Variants in JAK1 observed in about 807,000 individuals in gnomAD.
The protein encoded by JAK1 is Janus kinase 1.
JAK1 carries 16 observed loss-of-function variants against 136.6 expected under a neutral mutation model. The observed-to-expected ratio is 0.12, with a 90% confidence interval of 0.08 to 0.18. The LOEUF is 0.18. Among genes scored for constraint, JAK1 ranks in the 10% least tolerant of loss-of-function variants. JAK1 has a pLI of 1.00. For synonymous variants in JAK1, 492 were observed against 519.5 expected (o/e 0.95, Z 0.72); for missense variants, 859 against 1,450.1 (o/e 0.59, Z 6.62).
chr1:64,996,912 G>C (rs900057423), intron 2 of JAK1, among the ~76,000 whole-genome samples: 3 of 152,194 alleles, frequency 2.0e-5, no homozygotes, highest in Non-Finnish European at 4.4e-5. Context: ...ACAGAAAGGA[G>C]CAAGGAAACT....
upstream of JAK1, among the ~76,000 whole-genome samples, chr1:64,968,461 A>G (rs1326638762): frequency 6.6e-6 from 1 of 152,218 alleles, no homozygotes; most frequent in South Asian, 2.1e-4. Context: ...GACAGGAGGC[A>G]GGAGTCAGGA....
intron 1 of JAK1, among the ~76,000 whole-genome samples, chr1:65,054,376 C>T (rs891756673): frequency 3.3e-5 from 5 of 152,016 alleles, no homozygotes; most frequent in African/African-American, 1.2e-4. Flanking sequence ...TAACATGCCA[C>T]ATTTAAATGC....
At chr1:64,988,938 A>ATATGTATGTGTATATATATG (rs1385022199) in intron 2 of JAK1, among the ~76,000 whole-genome samples, 1 of 144,840 alleles carries the variant, frequency 6.9e-6, no homozygotes, top group South Asian at 2.2e-4. Context: ...GTGTATATAT[A>ATATGTATGTGTATATATATG]TATGTATGTG....
At chr1:64,989,065 G>A (rs927346482) in intron 2 of JAK1, among the ~76,000 whole-genome samples, 8 of 145,112 alleles carry the variant, frequency 5.5e-5, no homozygotes, top group Admixed American at 4.9e-4. Flanking sequence ...GGTGGCTCAC[G>A]CCTGTAATCC....
At chr1:65,044,159 A>T (rs1177837131) in intron 2 of JAK1, among the ~76,000 whole-genome samples, 1 of 152,126 alleles carries the variant, frequency 6.6e-6, no homozygotes, top group Non-Finnish European at 1.5e-5. Flanking sequence ...GCCCAGCCCT[A>T]TTTACGTAAC....
chr1:64,912,731 C>A (rs771874260), intron 1 of JAK1, among the ~76,000 whole-genome samples: 47 of 152,118 alleles, frequency 3.1e-4, no homozygotes, highest in Non-Finnish European at 4.1e-4. Context: ...AAAAAAAGGT[C>A]CATTTCTGAA....
At chr1:64,906,696 TGACA>T (rs1464856864) in intron 1 of JAK1, among the ~76,000 whole-genome samples, 1 of 152,206 alleles carries the variant, frequency 6.6e-6, no homozygotes, top group Non-Finnish European at 1.5e-5. Flanking sequence ...CTGCAGTGTA[TGACA>T]GACAAAGCTC....
At chr1:64,977,059 C>T (rs1038884595) in intron 2 of JAK1, among the ~76,000 whole-genome samples, 1 of 152,198 alleles carries the variant, frequency 6.6e-6, no homozygotes, top group Non-Finnish European at 1.5e-5. Flanking sequence ...TTTAATCATA[C>T]ATCTATTACA....
At chr1:64,858,086 G>A (rs1479020171) in intron 9 of JAK1, among the ~76,000 whole-genome samples, 2 of 152,218 alleles carry the variant, frequency 1.3e-5, no homozygotes, top group African/African-American at 2.4e-5. Flanking sequence ...GAGCCTCTCT[G>A]GAGGCTGGTG....
chr1:64,973,609 C>T (rs1383988950), intron 2 of JAK1: 1 of 131,524 alleles, frequency 7.6e-6, no homozygotes, highest in Non-Finnish European at 1.6e-5. Flanking sequence ...TCCCTTCCCT[C>T]GTCTCACTTT....
rs142393341 is a variant in JAK1, at chr1:64,902,551, T to TGAGAGAGAGAGAGAGA, written c.-77-16226_-77-16211dup. 6.4e-4 allele frequency among the ~76,000 whole-genome samples: 66 copies of TGAGAGAGAGAGAGAGA among 102,390 alleles called. 1 individual carries two copies. Among genetic ancestry groups the TGAGAGAGAGAGAGAGA allele is most frequent in the Admixed American group, 8.2e-4 (7 of 8,514 alleles). 67.2% of individuals were successfully genotyped at this position (102,390 alleles called of 152,430 possible). A position where few individuals can be genotyped will look rare whatever the true frequency, so the allele number is the denominator to read the frequency against. ...CATGGTGCCTTTACTCATGAATTTG[T>TGAGAGAGAGAGAGAGA]GAGAGAGAGAGAGAGAGAGAGAGAG... On this transcript the variant is annotated intron_variant, in intron 1 of 24. Coordinates refer to ENST00000342505, the MANE Select transcript of JAK1 (RefSeq NM_002227.4).
intron 1 of JAK1, among the ~76,000 whole-genome samples, chr1:64,937,471 T>C (rs1339540551): frequency 6.6e-6 from 1 of 152,212 alleles, no homozygotes; most frequent in African/African-American, 2.4e-5. Context: ...ATCTTTTACC[T>C]TTGCTAATTT....
intron 2 of JAK1, among the ~76,000 whole-genome samples, chr1:64,994,807 A>G (rs1646689260): frequency 6.6e-6 from 1 of 152,142 alleles, no homozygotes; most frequent in African/African-American, 2.4e-5. Context: ...TGGTTCTCAT[A>G]TGGGTGGGCT....
At chr1:65,025,531 A>T (rs1646970761) in intron 2 of JAK1, among the ~76,000 whole-genome samples, 1 of 152,204 alleles carries the variant, frequency 6.6e-6, no homozygotes, top group African/African-American at 2.4e-5. Context: ...TAAAGGCAAG[A>T]GAATAGTTAG....
chr1:64,942,000 C>G (rs1645899045), intron 1 of JAK1: 1 of 152,034 alleles, frequency 6.6e-6, no homozygotes. Context: ...AAGAACGATC[C>G]AGAATTATAT....
intron 2 of JAK1, chr1:64,972,913 G>A (rs1005089541): frequency 6.6e-6 from 1 of 152,366 alleles, no homozygotes; most frequent in Non-Finnish European, 1.5e-5. Flanking sequence ...GAGGCCAGGA[G>A]TTCAAGACCA....
rs144275646 is a variant in JAK1, at chr1:64,937,118, T to C, written c.-78+29215A>G. ...TTTGGTCTACAGGACCTCATGTAGA[T>C]TGAGCAACTTTGGCTATTTGGGTAG... On this transcript the variant is annotated intron_variant, in intron 1 of 24. Coordinates refer to ENST00000342505, the MANE Select transcript of JAK1 (RefSeq NM_002227.4). Among the ~76,000 whole-genome samples, 226 of 152,022 alleles carry C rather than the reference T, an allele frequency of 1.5e-3. 1 individual carries two copies. The highest frequency in any genetic ancestry group is 5.1e-3 in the African/African-American group (210 of 41,472).
chr1:65,002,151 A>G (rs1333475603), intron 2 of JAK1, among the ~76,000 whole-genome samples: 1 of 152,172 alleles, frequency 6.6e-6, no homozygotes, highest in Non-Finnish European at 1.5e-5. Flanking sequence ...AAACACACAC[A>G]CGTATATACG....
chr1:65,009,817 T>C (rs1646833885), intron 2 of JAK1, among the ~76,000 whole-genome samples: 1 of 152,230 alleles, frequency 6.6e-6, no homozygotes. Context: ...GTGGCAGAGC[T>C]GGGATTCTGG....
Sources: allele counts gnomAD v4.1 joint callset (sites outside exome capture counted in the v4.1 genomes callset), GRCh38; gene constraint gnomAD v4.1.1; transcripts MANE v1.5; gene names NCBI Gene and HGNC (gene_info 2026-07-23, HGNC 2026-07-21).